The following SERPINA1 variants were observed in gnomAD, a reference collection of about 807,000 sequenced individuals.
The protein encoded by SERPINA1 is alpha-1-antitrypsin.
Under a neutral mutation model 25.4 loss-of-function variants are expected in SERPINA1, and 21 were observed. That is an observed-to-expected ratio of 0.83 (90% CI 0.59 to 1.19). The LOEUF (loss-of-function observed/expected upper bound fraction) is 1.19, where lower values mean the gene tolerates loss of function less well. Among genes scored for constraint, SERPINA1 ranks in the 50% most tolerant of loss-of-function variants. SERPINA1 has a pLI of 0.00. For synonymous variants in SERPINA1, 218 were observed against 211.1 expected, an observed-to-expected ratio of 1.03 and a Z score of -0.29; for missense variants, 546 against 509.0, an observed-to-expected ratio of 1.07 and a Z score of -0.70.
Position 94,378,403 on chromosome 14 carries a change from G to A in SERPINA1, c.*46C>T. 6.6e-7 allele frequency: 1 copy of A among 1,525,228 alleles called. No homozygotes were observed. The highest frequency in any genetic ancestry group is 9.1e-7 in the Non-Finnish European group (1 of 1,099,020). The allele number at this position is 1,525,228 out of a possible 1,614,324, so 94.5% of individuals were successfully genotyped here. On this transcript the variant is annotated 3_prime_UTR_variant, in exon 5 of 5. Transcript: ENST00000393087. ...TCAACCCTTCTTTAATGTCATCCAGGGAGGGGGCCAGGGATGGAGGGGAGG... is the reference window on the plus strand; with the variant it reads ...TCAACCCTTCTTTAATGTCATCCAGAGAGGGGGCCAGGGATGGAGGGGAGG...
In SERPINA1 at chr14:94,383,215, C is replaced by A. The variant is rs773588978; in HGVS notation, c.23G>T (p.Gly8Val). Residue 8 changes from glycine (G) to valine (V), a missense_variant, in exon 2 of 5, where the codon GGC becomes GTC. Coordinates refer to ENST00000393087, the MANE Select transcript of SERPINA1 (RefSeq NM_000295.5). ...GCACAGGCCTGCCAGCAGGAGGATG[C>A]CCCACGAGACAGAAGACGGCATTGT... MPSSVSW[G>V]ILLLAGLCCL... 1.2e-6 allele frequency: 2 copies of A among 1,613,394 alleles called. No homozygotes were observed. Among genetic ancestry groups the A allele is most frequent in the African/African-American group, 1.3e-5 (1 of 74,924 alleles).
chr14:94,386,678 G>A (rs1414240824), intron 1 of SERPINA1, among the ~76,000 whole-genome samples: 1 of 152,136 alleles, frequency 6.6e-6, no homozygotes, highest in Non-Finnish European at 1.5e-5. Context: ...TCTTCCCGGA[G>A]AGCCTGCTGC....
In SERPINA1 at chr14:94,380,957, G is replaced by A; in HGVS notation, c.831C>T (p.Phe277=). 6.2e-7 allele frequency: 1 copy of A among 1,614,178 alleles called. No individual in the cohort carries two copies. Among genetic ancestry groups the A allele is most frequent in the South Asian group, 1.1e-5 (1 of 91,082 alleles). ...KYLGNATAIF[F]LPDEGKLQHL... Reference sequence around the variant, plus strand: ...GCTGTAGTTTCCCCTCATCAGGCAGGAAGAAGATGGCGGTGGCATTGCCCA... The same window carrying A: ...GCTGTAGTTTCCCCTCATCAGGCAGAAAGAAGATGGCGGTGGCATTGCCCA... Residue 277 remains phenylalanine, a synonymous_variant, in exon 3 of 5, where the codon TTC becomes TTT. Coordinates refer to ENST00000393087, the MANE Select transcript of SERPINA1 (RefSeq NM_000295.5).
chr14:94,378,674 G>C (rs1896573645), intron 4 of SERPINA1, 34 bp from the exon 5 acceptor site: 2 of 1,611,406 alleles, frequency 1.2e-6, no homozygotes, highest in Non-Finnish European at 1.7e-6. Flanking sequence ...ACGTTGTAAG[G>C]CTGATCCCAG....
rs1897073335 is a variant in SERPINA1, at chr14:94,383,146, G to C, written c.92C>G (p.Ala31Gly). 1 of 1,614,114 alleles carries C rather than the reference G, an allele frequency of 6.2e-7. No individual in the cohort carries two copies. The highest frequency in any genetic ancestry group is 1.3e-5 in the African/African-American group (1 of 74,930). The change falls in exon 2 of 5, where the codon GCT becomes GGT. Residue 31 changes from alanine to glycine, a missense_variant. Coordinates refer to ENST00000393087, the MANE Select transcript of SERPINA1 (RefSeq NM_000295.5). Reference sequence around the variant, plus strand: ...GTGGGATGTATCTGTCTTCTGGGCAGCATCTCCCTGGGGATCCTCAGCCAG... The same window carrying C: ...GTGGGATGTATCTGTCTTCTGGGCACCATCTCCCTGGGGATCCTCAGCCAG... ...VSLAEDPQGD[A>G]AQKTDTSHHD...
Position 94,378,126 on chromosome 14 carries a change from G to T in SERPINA1, c.*323C>A. On this transcript the variant is annotated 3_prime_UTR_variant, in exon 5 of 5. Transcript: ENST00000393087. ...GTTCCTCCCCTGTGATTCCTTCTTG[G>T]GGACTCCAAGACAGGACAAGGAAGA... The T allele has an allele frequency of 2.6e-6, 1 of 379,072 alleles. No homozygotes were observed. The highest frequency in any genetic ancestry group is 4.8e-6 in the Non-Finnish European group (1 of 206,920). 23.5% of individuals were successfully genotyped at this position (379,072 alleles called of 1,614,324 possible).
At chr14:94,379,223 C>G (rs1896651480) in intron 4 of SERPINA1, 1 of 612,194 alleles carries the variant, frequency 1.6e-6, no homozygotes, top group Non-Finnish European at 2.9e-6. Context: ...AGTTGAAATT[C>G]AGGGTCAGTG....
intron 1 of SERPINA1, among the ~76,000 whole-genome samples, chr14:94,387,350 G>A (rs368439947): frequency 5.9e-5 from 9 of 152,222 alleles, no homozygotes; most frequent in East Asian, 1.9e-4. Context: ...TGCCTGCTGC[G>A]CAGCAAGTTC....
intron 1 of SERPINA1, among the ~76,000 whole-genome samples, chr14:94,386,525 A>G (rs909508300): frequency 6.6e-6 from 1 of 152,210 alleles, no homozygotes; most frequent in African/African-American, 2.4e-5. Flanking sequence ...TTTGAGCACT[A>G]GCTTCATAGC....
chr14:94,379,036 A>C, intron 4 of SERPINA1: 1 of 523,884 alleles, frequency 1.9e-6, no homozygotes, highest in South Asian at 2.4e-5. Context: ...GCAGTTGTTC[A>C]TTGGTCGCCT....
intron 1 of SERPINA1, among the ~76,000 whole-genome samples, chr14:94,386,634 A>G (rs1235456586): frequency 2.0e-5 from 3 of 152,288 alleles, no homozygotes; most frequent in Admixed American, 6.5e-5. Flanking sequence ...GTACCTGCAC[A>G]CAGGTTGAGC....
chr14:94,384,353 G>A (rs1295953753), intron 1 of SERPINA1, among the ~76,000 whole-genome samples: 1 of 152,062 alleles, frequency 6.6e-6, no homozygotes, highest in Admixed American at 6.6e-5. Flanking sequence ...GATCTGAGAG[G>A]GCAACTCTTT....
At position 94,378,232 on chromosome 14, in the gene SERPINA1, C is replaced by T. The variant is rs914614490; in HGVS notation, c.*217G>A. 3 of 601,634 alleles carry T rather than the reference C, an allele frequency of 5.0e-6. No homozygotes were observed. Among genetic ancestry groups the T allele is most frequent in the South Asian group, 2.0e-5 (1 of 49,694 alleles). 37.3% of individuals were successfully genotyped at this position (601,634 alleles called of 1,614,324 possible). On this transcript the variant is annotated 3_prime_UTR_variant, in exon 5 of 5. Transcript: ENST00000393087. ...CCCTGGATTCAAGCCCAGCATGTGC[C>T]TACCCAGCCAGATGCTCCATGAACA...
In SERPINA1 at chr14:94,378,488, G is replaced by T; in HGVS notation, c.1218C>A (p.Pro406=). ...FLMIEQNTKS[P]LFMGKVVNPT... ...GATTCACCACTTTTCCCATGAAGAG[G>T]GGAGACTTGGTATTTTGTTCAATCA... Residue 406 remains proline, a synonymous_variant, in exon 5 of 5, where the codon CCC becomes CCA. Coordinates refer to ENST00000393087, the MANE Select transcript of SERPINA1 (RefSeq NM_000295.5). 1 of 1,614,066 alleles carries T rather than the reference G, an allele frequency of 6.2e-7. No individual in the cohort carries two copies. The highest frequency in any genetic ancestry group is 8.5e-7 in the Non-Finnish European group (1 of 1,180,010).
rs368917367 is a variant in SERPINA1 at position 94,383,118 on chromosome 14, A to G, written c.120T>C (p.His40=). ...TGTTGAAGGTTGGGTGATCCTGATC[A>G]TGGTGGGATGTATCTGTCTTCTGGG... ...DAAQKTDTSH[H]DQDHPTFNKI... is the part of the protein sequence containing the mutation. Residue 40 remains histidine (H), a synonymous_variant, in exon 2 of 5, where the codon CAT becomes CAC. Coordinates refer to ENST00000393087, the MANE Select transcript of SERPINA1 (RefSeq NM_000295.5). The G allele has an allele frequency of 1.5e-5, 25 of 1,614,110 alleles. No homozygotes were observed. Among genetic ancestry groups the G allele is most frequent in the African/African-American group, 6.7e-5 (5 of 74,944 alleles).
intron 1 of SERPINA1, chr14:94,384,186 T>A (rs969820952): frequency 6.6e-6 from 1 of 152,220 alleles, no homozygotes; most frequent in South Asian, 2.1e-4. Context: ...TAACTTCAGA[T>A]AGACCTGGGA....
In SERPINA1 at chr14:94,377,989, G is replaced by T. The variant is rs912548961; in HGVS notation, c.*460C>A. ...GGGGCCCCCAGGAGGGCAGCCTTGG[G>T]GTGGGCACAGCCAGCCCTGGCAGGA... On this transcript the variant is annotated 3_prime_UTR_variant, in exon 5 of 5. Coordinates refer to ENST00000393087, the MANE Select transcript of SERPINA1 (RefSeq NM_000295.5). 2 of 198,678 alleles carry T rather than the reference G, an allele frequency of 1.0e-5. No homozygotes were observed. Among genetic ancestry groups the T allele is most frequent in the South Asian group, 2.0e-4 (2 of 9,962 alleles). The allele number at this position is 198,678 out of a possible 1,614,324, so 12.3% of individuals were successfully genotyped here.
rs1280393309 is a variant in SERPINA1, at chr14:94,377,661, G to C, written c.*788C>G. The C allele has an allele frequency of 6.6e-6, 1 of 152,448 alleles. No homozygotes were observed. The highest frequency in any genetic ancestry group is 1.5e-5 in the Non-Finnish European group (1 of 68,246). The allele number at this position is 152,448 out of a possible 1,614,324, so 9.4% of individuals were successfully genotyped here. ...GCTGGGCCTGGTCAAGTCTGAGGAG[G>C]AGATAGAGAAAACAAAGCAGAGACC... On this transcript the variant is annotated 3_prime_UTR_variant, in exon 5 of 5. Transcript: ENST00000393087.
chr14:94,390,110 T>G (rs1404731817), upstream of SERPINA1, among the ~76,000 whole-genome samples: 1 of 152,108 alleles, frequency 6.6e-6, no homozygotes, highest in Non-Finnish European at 1.5e-5. Context: ...CAGTCTCTCA[T>G]TCAGTTACCC....
Sources: gnomAD v4.1 joint callset for allele counts (sites outside exome capture counted in the v4.1 genomes callset) on GRCh38, gnomAD v4.1.1 for gene constraint, MANE v1.5 for transcripts, NCBI Gene and HGNC (gene_info 2026-07-23, HGNC 2026-07-21) for gene names.